Variants in SCFD2 observed in about 807,000 individuals in gnomAD.
SCFD2 encodes the protein sec1 family domain-containing protein 2.
Under a neutral mutation model 58.9 loss-of-function variants are expected in SCFD2, and 54 were observed. The observed-to-expected ratio is 0.92, with a 90% CI of 0.74 to 1.15. The LOEUF (loss-of-function observed/expected upper bound fraction) is 1.15. SCFD2 is among the 50% of genes most tolerant of loss of function. SCFD2 has a pLI of 0.00. For missense variants in SCFD2, 805 were observed against 836.6 expected (o/e 0.96, Z 0.47); for synonymous variants, 321 against 335.9 (o/e 0.96, Z 0.49).
At chr4:52,903,121 C>T (rs1237857386) in intron 7 of SCFD2, among the ~76,000 whole-genome samples, 2 of 152,206 alleles carry the variant, frequency 1.3e-5, no homozygotes, top group Admixed American at 1.3e-4. Flanking sequence ...AAATACACCC[C>T]TTTATTTCTG....
At chr4:53,263,670 C>T (rs1400453729) in intron 4 of SCFD2, among the ~76,000 whole-genome samples, 2 of 152,222 alleles carry the variant, frequency 1.3e-5, no homozygotes, top group African/African-American at 4.8e-5. Flanking sequence ...GTGAAGTGGA[C>T]TCTGTGAGGG....
chr4:53,272,860 A>C (rs1432601144), intron 4 of SCFD2, among the ~76,000 whole-genome samples: 1 of 152,228 alleles, frequency 6.6e-6, no homozygotes, highest in Non-Finnish European at 1.5e-5. Flanking sequence ...ATAATTAAAA[A>C]AAAATAGAAC....
chr4:53,229,267 C>A (rs1269089459), intron 4 of SCFD2, among the ~76,000 whole-genome samples: 2 of 152,180 alleles, frequency 1.3e-5, no homozygotes, highest in Non-Finnish European at 2.9e-5. Flanking sequence ...TTGGAAAAAA[C>A]TACTTTAAAG....
intron 5 of SCFD2, among the ~76,000 whole-genome samples, chr4:53,030,623 T>C (rs977136270): frequency 3.9e-5 from 6 of 152,134 alleles, no homozygotes; most frequent in African/African-American, 7.2e-5. Flanking sequence ...AGTTTCACCA[T>C]GTTAGCCAGG....
At chr4:53,305,006 T>C (rs1161994914) in intron 3 of SCFD2, among the ~76,000 whole-genome samples, 1 of 152,042 alleles carries the variant, frequency 6.6e-6, no homozygotes, top group Non-Finnish European at 1.5e-5. Flanking sequence ...TCGGCTGGGG[T>C]CTCTGAGTCC....
intron 1 of SCFD2, among the ~76,000 whole-genome samples, chr4:53,356,803 C>G (rs768758013): frequency 1.7e-4 from 24 of 143,298 alleles, no homozygotes; most frequent in Non-Finnish European, 3.0e-4. Flanking sequence ...GTGGCGCGAT[C>G]TCGGCTCACT....
chr4:53,311,876 C>T (rs371922726), intron 3 of SCFD2, among the ~76,000 whole-genome samples: 84 of 152,158 alleles, frequency 5.5e-4, no homozygotes, highest in African/African-American at 1.9e-3. Context: ...TCTCGTGATC[C>T]GCCTGCCTCG....
chr4:52,931,370 G>T (rs1292431610), intron 5 of SCFD2, among the ~76,000 whole-genome samples: 1 of 152,104 alleles, frequency 6.6e-6, no homozygotes, highest in Non-Finnish European at 1.5e-5. Flanking sequence ...CCTGATAGAA[G>T]AACACTATGA....
At chr4:53,070,517 A>G (rs1342679688) in intron 5 of SCFD2, among the ~76,000 whole-genome samples, 1 of 152,134 alleles carries the variant, frequency 6.6e-6, no homozygotes, top group East Asian at 1.9e-4. Flanking sequence ...GAATCATTTA[A>G]GTAATAGATC....
At chr4:53,054,591 A>G (rs1723270804) in intron 5 of SCFD2, among the ~76,000 whole-genome samples, 3 of 152,122 alleles carry the variant, frequency 2.0e-5, no homozygotes, top group African/African-American at 7.2e-5. Flanking sequence ...ATAAGAAGCC[A>G]GAGACAGATG....
chr4:53,247,515 T>A (rs575004555), intron 4 of SCFD2, among the ~76,000 whole-genome samples: 90 of 152,094 alleles, frequency 5.9e-4, no homozygotes, highest in Middle Eastern at 3.4e-3. Flanking sequence ...AAAGACTGGA[T>A]AAAGAAAATG....
intron 5 of SCFD2, among the ~76,000 whole-genome samples, chr4:53,103,289 T>C (rs1003917705): frequency 2.0e-5 from 3 of 151,894 alleles, no homozygotes; most frequent in African/African-American, 4.8e-5. Context: ...TGTGGGTGAG[T>C]AGGGGTTGGG....
At chr4:53,119,161 T>C (rs980402049) in intron 5 of SCFD2, among the ~76,000 whole-genome samples, 6 of 151,954 alleles carry the variant, frequency 3.9e-5, no homozygotes, top group Admixed American at 1.3e-4. Context: ...CTACTAAAAA[T>C]ACAAAAATTA....
At chr4:53,349,029 T>A (rs1734139723) in intron 2 of SCFD2, among the ~76,000 whole-genome samples, 1 of 152,140 alleles carries the variant, frequency 6.6e-6, no homozygotes, top group Non-Finnish European at 1.5e-5. Flanking sequence ...TCAAAGCTCA[T>A]AATCTATGAT....
intron 5 of SCFD2, among the ~76,000 whole-genome samples, chr4:53,108,304 T>C (rs1352169758): frequency 6.6e-6 from 1 of 151,856 alleles, no homozygotes; most frequent in Non-Finnish European, 1.5e-5. Flanking sequence ...AACATCACCA[T>C]TAAAAGAACT....
At chr4:52,880,287 ATT>A (rs34151471) in intron 8 of SCFD2, among the ~76,000 whole-genome samples, 6 of 143,256 alleles carry the variant, frequency 4.2e-5, no homozygotes, top group Non-Finnish European at 1.5e-5. Context: ...GTGCAAAACT[ATT>A]TTTTTTTTTT....
intron 5 of SCFD2, among the ~76,000 whole-genome samples, chr4:53,046,861 G>A (rs1216773627): frequency 1.3e-5 from 2 of 151,924 alleles, no homozygotes; most frequent in South Asian, 2.1e-4. Flanking sequence ...TAGTAGAGAC[G>A]GGGTTTTGCC....
intron 5 of SCFD2, among the ~76,000 whole-genome samples, chr4:53,084,350 G>A (rs1001985511): frequency 4.6e-5 from 7 of 151,790 alleles, no homozygotes; most frequent in Non-Finnish European, 7.4e-5. Context: ...CTTTTTGCCC[G>A]ACCCCACAGG....
intron 4 of SCFD2, among the ~76,000 whole-genome samples, chr4:53,229,780 T>G (rs1729366677): frequency 6.6e-6 from 1 of 152,248 alleles, no homozygotes. Context: ...TGGGATCTCA[T>G]TAAACTAAAG....
Sources: gnomAD v4.1 joint callset for allele counts (sites outside exome capture counted in the v4.1 genomes callset) on GRCh38, gnomAD v4.1.1 for gene constraint, MANE v1.5 for transcripts, NCBI Gene and HGNC (gene_info 2026-07-23, HGNC 2026-07-21) for gene names.